Variants in LRRTM4 observed in about 807,000 individuals in gnomAD.
LRRTM4 encodes the protein leucine rich repeat transmembrane neuronal 4.
In LRRTM4, 25 loss-of-function variants were observed where a neutral mutation model predicts 47.6. The ratio of observed to expected loss-of-function variants is 0.53; its 90% CI spans 0.38 to 0.73. The LOEUF (loss-of-function observed/expected upper bound fraction) is 0.73. Ranked by LOEUF, LRRTM4 falls within the 30% of genes least tolerant of loss-of-function variation. The pLI is 0.00. For missense variants in LRRTM4, 638 were observed against 713.4 expected, an observed-to-expected ratio of 0.89 and a Z score of 1.20; for synonymous variants, 311 against 269.5, an observed-to-expected ratio of 1.15 and a Z score of -1.51.
intron 3 of LRRTM4, among the ~76,000 whole-genome samples, chr2:77,124,903 C>A (rs1671614290): frequency 6.6e-6 from 1 of 152,058 alleles, no homozygotes; most frequent in Non-Finnish European, 1.5e-5. Context: ...GATATGTCTT[C>A]AGGAAACAGG....
chr2:77,482,464 A>G (rs1301754746), intron 3 of LRRTM4, among the ~76,000 whole-genome samples: 3 of 152,142 alleles, frequency 2.0e-5, no homozygotes, highest in Non-Finnish European at 1.5e-5. Context: ...ACACACAGAG[A>G]CCTGTGATTA....
chr2:76,773,280 C>T lies in LRRTM4; in HGVS notation c.1552-24364G>A, dbSNP rs575241843. 8.5e-5 allele frequency among the ~76,000 whole-genome samples: 13 copies of T among 152,328 alleles called. 1 individual carries two copies. The highest frequency in any genetic ancestry group is 3.4e-3 in the Middle Eastern group (1 of 294). On this transcript the variant is annotated intron_variant, in intron 3 of 3. Transcript: ENST00000409884. ...ATTTATCATTCTCCACCATAATGGC[C>T]TCCAGTAGTTTTTCACTAGCTCAGT...
Position 77,408,728 on chromosome 2 carries a change from T to C in LRRTM4, c.1551+109590A>G, listed in dbSNP as rs558234699. The stretch of plus-strand genomic sequence containing the variant: ...GTGGCCCTTGTGCTCTGTATTATAA[T>C]TGTCTGTTTACTTCTCTGTATCCCC... On this transcript the variant is annotated intron_variant, in intron 3 of 3. Transcript: ENST00000409884. Among the ~76,000 whole-genome samples, 9 of 152,306 alleles carry C rather than the reference T, an allele frequency of 5.9e-5. No individual in the cohort carries two copies. In the South Asian group the frequency reaches 6.2e-4, roughly 11 times the overall value.
chr2:77,099,994 T>A (rs1180059108), intron 3 of LRRTM4, among the ~76,000 whole-genome samples: 9 of 152,178 alleles, frequency 5.9e-5, no homozygotes, highest in Admixed American at 3.3e-4. Flanking sequence ...AATTCTTTTC[T>A]ACAAATTGTT....
intron 3 of LRRTM4, among the ~76,000 whole-genome samples, chr2:77,342,628 C>G (rs925577222): frequency 6.6e-6 from 1 of 151,742 alleles, no homozygotes; most frequent in South Asian, 2.1e-4. Context: ...GTTATTTTTT[C>G]AAAGACAATA....
intron 3 of LRRTM4, among the ~76,000 whole-genome samples, chr2:77,019,863 T>C (rs1678205214): frequency 6.6e-6 from 1 of 152,014 alleles, no homozygotes; most frequent in Non-Finnish European, 1.5e-5. Context: ...GGGAAAAGGT[T>C]AGAAAAATGG....
rs188068776 is a variant in LRRTM4 at position 77,500,881 on chromosome 2, G to A, written c.1551+17437C>T. 4.3e-3 allele frequency among the ~76,000 whole-genome samples: 657 copies of A among 151,480 alleles called. 3 individuals carry two copies. The highest frequency in any genetic ancestry group is 0.015 in the African/African-American group (625 of 41,446). On this transcript the variant is annotated intron_variant, in intron 3 of 3. Coordinates refer to ENST00000409884, the MANE Select transcript of LRRTM4 (RefSeq NM_001134745.3). ...TCTTTATTTACTGTAATGAGAAAAT[G>A]TCCAAGATATATTGAGTGAAACAAA... is the stretch of plus-strand genomic sequence containing the variant.
intron 3 of LRRTM4, among the ~76,000 whole-genome samples, chr2:76,983,460 T>C (rs1245745272): frequency 6.6e-6 from 1 of 151,974 alleles, no homozygotes; most frequent in Non-Finnish European, 1.5e-5. Flanking sequence ...TTGATGGTTT[T>C]ATAAATGGGA....
At chr2:76,963,349 C>T (rs960218141) in intron 3 of LRRTM4, among the ~76,000 whole-genome samples, 2 of 150,660 alleles carry the variant, frequency 1.3e-5, no homozygotes, top group Admixed American at 1.3e-4. Flanking sequence ...GTTATCATTG[C>T]TCTGGAACTA....
At chr2:76,753,457 C>T (rs1672918810) in intron 3 of LRRTM4, among the ~76,000 whole-genome samples, 1 of 152,128 alleles carries the variant, frequency 6.6e-6, no homozygotes, top group Non-Finnish European at 1.5e-5. Context: ...CCCTTCAGTC[C>T]TATTTTCTGT....
chr2:77,065,645 A>T lies in LRRTM4; in HGVS notation c.1552-316729T>A, dbSNP rs117467058. Among the ~76,000 whole-genome samples, 4 of 152,304 alleles carry T rather than the reference A, an allele frequency of 2.6e-5. No homozygotes were observed. In the East Asian group the frequency reaches 7.7e-4, roughly 29 times the overall value. On this transcript the variant is annotated intron_variant, in intron 3 of 3. Transcript: ENST00000409884. ...GAAATGCCTGGGGCTGTGATTCAGGAGAAATATACTCAGTATTAGGAAACA... is the reference window on the plus strand; with the variant it reads ...GAAATGCCTGGGGCTGTGATTCAGGTGAAATATACTCAGTATTAGGAAACA...
intron 3 of LRRTM4, among the ~76,000 whole-genome samples, chr2:77,047,212 C>T (rs1362803838): frequency 1.3e-5 from 2 of 151,990 alleles, no homozygotes; most frequent in African/African-American, 2.4e-5. Flanking sequence ...ATTAAATGAA[C>T]TGAGCCTTAC....
chr2:77,490,300 G>A (rs1678092045), intron 3 of LRRTM4, among the ~76,000 whole-genome samples: 1 of 151,846 alleles, frequency 6.6e-6, no homozygotes, highest in Non-Finnish European at 1.5e-5. Context: ...TATCTGACAA[G>A]ACTTGAAGAA....
intron 3 of LRRTM4, among the ~76,000 whole-genome samples, chr2:77,354,612 T>A (rs1002704159): frequency 1.3e-5 from 2 of 152,034 alleles, no homozygotes; most frequent in African/African-American, 4.8e-5. Context: ...AGCAGGACCA[T>A]GAAAGTAAAA....
chr2:77,404,168 A>C (rs1219706022), intron 3 of LRRTM4, among the ~76,000 whole-genome samples: 2 of 151,962 alleles, frequency 1.3e-5, no homozygotes, highest in Non-Finnish European at 2.9e-5. Context: ...TATTACAGGA[A>C]TACCAAAGAC....
chr2:76,999,616 C>T (rs1254526165), intron 3 of LRRTM4, among the ~76,000 whole-genome samples: 1 of 152,104 alleles, frequency 6.6e-6, no homozygotes, highest in African/African-American at 2.4e-5. Context: ...ATTTCTCCAG[C>T]TTTTCTACCT....
chr2:76,770,669 T>C (rs567139492), intron 3 of LRRTM4, among the ~76,000 whole-genome samples: 6 of 152,354 alleles, frequency 3.9e-5, no homozygotes, highest in Non-Finnish European at 7.3e-5. Flanking sequence ...GATCTCTTGA[T>C]TAAAAGTAAA....
chr2:77,240,559 A>G (rs1675229964), intron 3 of LRRTM4, among the ~76,000 whole-genome samples: 1 of 152,062 alleles, frequency 6.6e-6, no homozygotes, highest in Non-Finnish European at 1.5e-5. Flanking sequence ...TTGATACCAT[A>G]CTTGAAGTTC....
At chr2:77,085,949 T>G (rs1680695621) in intron 3 of LRRTM4, among the ~76,000 whole-genome samples, 1 of 152,182 alleles carries the variant, frequency 6.6e-6, no homozygotes, top group Non-Finnish European at 1.5e-5. Flanking sequence ...AATTTCTTTA[T>G]GCTATTGTCA....
Sources: gnomAD v4.1 joint callset for allele counts (sites outside exome capture counted in the v4.1 genomes callset) on GRCh38, gnomAD v4.1.1 for gene constraint, MANE v1.5 for transcripts, NCBI Gene and HGNC (gene_info 2026-07-23, HGNC 2026-07-21) for gene names.